The following LINGO1 variants were observed in gnomAD, a reference collection of about 807,000 sequenced individuals.
LINGO1 encodes leucine-rich repeat and immunoglobulin-like domain-containing nogo receptor-interacting protein 1.
In LINGO1, 11 loss-of-function variants were observed where a neutral mutation model predicts 37.3. That is an observed-to-expected ratio of 0.29 (90% CI 0.19 to 0.49). LINGO1 has a LOEUF of 0.49. Ranked by LOEUF, LINGO1 falls within the 20% of genes least tolerant of loss-of-function variation. The pLI, the probability that LINGO1 is intolerant of heterozygous loss-of-function variation, is 0.99. For synonymous variants in LINGO1, 387 were observed against 403.0 expected (o/e 0.96, Z 0.48); for missense variants, 585 against 878.2 (o/e 0.67, Z 4.22).
chr15:77,756,239 C>T (rs1446044760), intron 1 of LINGO1, among the ~76,000 whole-genome samples: 2 of 152,156 alleles, frequency 1.3e-5, no homozygotes, highest in African/African-American at 2.4e-5. Context: ...GCAACTGACC[C>T]ATCACATGTG....
At chr15:77,818,881 G>A (rs1045737599) in intron 1 of LINGO1, among the ~76,000 whole-genome samples, 9 of 150,958 alleles carry the variant, frequency 6.0e-5, no homozygotes, top group Non-Finnish European at 8.9e-5. Context: ...CAGACGGCCC[G>A]GCCCGCGCCC....
At chr15:77,784,182 G>A (rs1337781992) in intron 1 of LINGO1, among the ~76,000 whole-genome samples, 1 of 152,244 alleles carries the variant, frequency 6.6e-6, no homozygotes, top group African/African-American at 2.4e-5. Context: ...GGTCCCAAAA[G>A]GAAGAGTTGG....
chr15:77,660,235 C>G (rs979776570), intron 3 of LINGO1: 5 of 152,336 alleles, frequency 3.3e-5, no homozygotes, highest in South Asian at 2.1e-4. Flanking sequence ...GGAGTAGAGT[C>G]AAGGGTGTCC....
At chr15:77,663,225 C>G (rs1305228045) in intron 3 of LINGO1, among the ~76,000 whole-genome samples, 3 of 152,238 alleles carry the variant, frequency 2.0e-5, no homozygotes, top group Non-Finnish European at 4.4e-5. Flanking sequence ...GCTGGGTCAC[C>G]TAGAACTGTG....
chr15:77,686,228 C>A (rs981049511), intron 2 of LINGO1, among the ~76,000 whole-genome samples: 2 of 152,194 alleles, frequency 1.3e-5, no homozygotes, highest in Non-Finnish European at 2.9e-5. Flanking sequence ...CTCCTCACTC[C>A]CCCTGCTCCG....
chr15:77,654,509 T>C (rs556363800), intron 3 of LINGO1, among the ~76,000 whole-genome samples: 7 of 152,104 alleles, frequency 4.6e-5, no homozygotes, highest in Non-Finnish European at 7.4e-5. Context: ...CTGGTGGGGA[T>C]TGGGGCTGGG....
At chr15:77,789,558 G>C (rs751170976), upstream of LINGO1, among the ~76,000 whole-genome samples, 5 of 152,198 alleles carry the variant, frequency 3.3e-5, no homozygotes, top group Non-Finnish European at 7.4e-5. Flanking sequence ...AGTGAGCTGA[G>C]ATAGAGCCAC....
intron 2 of LINGO1, among the ~76,000 whole-genome samples, chr15:77,685,181 C>T (rs1030952756): frequency 2.6e-5 from 4 of 151,808 alleles, no homozygotes; most frequent in Admixed American, 1.3e-4. Flanking sequence ...TGCTAGAGGG[C>T]TCTGGAGAAA....
intron 2 of LINGO1, among the ~76,000 whole-genome samples, chr15:77,680,087 A>G (rs953600551): frequency 6.6e-6 from 1 of 152,246 alleles, no homozygotes; most frequent in Admixed American, 6.5e-5. Flanking sequence ...TTGATGAGCC[A>G]AAGCATTTCA....
intron 1 of LINGO1, among the ~76,000 whole-genome samples, chr15:77,812,429 G>A (rs2141480980): frequency 6.6e-6 from 1 of 152,368 alleles, no homozygotes; most frequent in South Asian, 2.1e-4. Flanking sequence ...TGGGAAAGCT[G>A]AGGCCCAGGG....
intron 1 of LINGO1, among the ~76,000 whole-genome samples, chr15:77,763,516 C>T (rs1373131376): frequency 2.0e-5 from 3 of 152,106 alleles, no homozygotes; most frequent in Non-Finnish European, 4.4e-5. Flanking sequence ...CTTTGCCCAC[C>T]CCCCACTGAC....
chr15:77,664,170 T>TGTGCGCGCGCGCGCGC, intron 3 of LINGO1, among the ~76,000 whole-genome samples: 13 of 131,010 alleles, frequency 9.9e-5, no homozygotes, highest in African/African-American at 4.8e-4. Context: ...TGTGTGTGTG[T>TGTGCGCGCGCGCGCGC]GCGCGCGCGC....
intron 1 of LINGO1, among the ~76,000 whole-genome samples, chr15:77,783,777 G>C (rs2076744518): frequency 6.6e-6 from 1 of 152,210 alleles, no homozygotes; most frequent in African/African-American, 2.4e-5. Context: ...GAGTCAGAAA[G>C]CAGGGAAGCT....
At position 77,614,490 on chromosome 15, in the gene LINGO1, G is replaced by A. The variant is rs1489941017; in HGVS notation, c.1417C>T (p.Arg473Trp). The change falls in exon 2 of 2, where the codon CGG becomes TGG. Residue 473 changes from arginine to tryptophan, a missense_variant. Physicochemically the swap from Arg to Trp is moderately radical, Grantham distance 101 (BLOSUM62 -3). This residue lies in a region of LINGO1 where 484 missense variants were observed against 735.0 expected (regional missense o/e 0.66). Transcript: ENST00000355300. ...KHLVSAKSNG[R>W]LTVFPDGTLE... The stretch of plus-strand genomic sequence containing the variant: ...GTGCCATCAGGGAAGACTGTGAGCC[G>A]CCCATTGCTCTTGGCTGAGACCAGG... 6.2e-7 allele frequency: 1 copy of A among 1,610,312 alleles called. No individual in the cohort carries two copies. Among genetic ancestry groups the A allele is most frequent in the Non-Finnish European group, 8.5e-7 (1 of 1,179,732 alleles).
At chr15:77,763,760 T>C (rs991827607) in intron 1 of LINGO1, among the ~76,000 whole-genome samples, 28 of 152,170 alleles carry the variant, frequency 1.8e-4, no homozygotes, top group African/African-American at 6.5e-4. Context: ...AGAGCCTGCC[T>C]GAGGGTCCGG....
chr15:77,768,549 C>G (rs2076552738), intron 1 of LINGO1, among the ~76,000 whole-genome samples: 1 of 152,142 alleles, frequency 6.6e-6, no homozygotes, highest in Non-Finnish European at 1.5e-5. Context: ...CAGGGGAGCC[C>G]TGGTTTACTC....
At chr15:77,695,107 G>GATTA (rs2075668460) in intron 1 of LINGO1, among the ~76,000 whole-genome samples, 1 of 152,198 alleles carries the variant, frequency 6.6e-6, no homozygotes, top group African/African-American at 2.4e-5. Context: ...AGCTGGGAGA[G>GATTA]ATTAAAGAAC....
At chr15:77,814,326 C>T (rs1030626715) in intron 1 of LINGO1, among the ~76,000 whole-genome samples, 6 of 152,198 alleles carry the variant, frequency 3.9e-5, no homozygotes, top group African/African-American at 7.2e-5. Flanking sequence ...CACTTCCCAC[C>T]GTGCCCTCAG....
intron 3 of LINGO1, among the ~76,000 whole-genome samples, chr15:77,671,310 A>C (rs2075244562): frequency 7.8e-6 from 1 of 127,994 alleles, no homozygotes; most frequent in Non-Finnish European, 1.7e-5. Context: ...GAGAAGGTAG[A>C]GGGAGAGAGA....
Sources: allele counts gnomAD v4.1 joint callset (sites outside exome capture counted in the v4.1 genomes callset), GRCh38; gene constraint gnomAD v4.1.1; regional missense constraint gnomAD v4.1.1; transcripts MANE v1.5; gene names NCBI Gene and HGNC (gene_info 2026-07-23, HGNC 2026-07-21).